Variants in CEP126 observed in about 807,000 individuals in gnomAD.
The protein encoded by CEP126 is centrosomal protein of 126 kDa.
In CEP126, 74 loss-of-function variants were observed where a neutral mutation model predicts 107.8. The observed-to-expected ratio is 0.69, with a 90% confidence interval of 0.57 to 0.83. CEP126 has a LOEUF of 0.83. CEP126 is among the 40% of genes least tolerant of loss of function. The pLI, the probability that CEP126 is intolerant of heterozygous loss-of-function variation, is 0.00. For synonymous variants in CEP126, 449 were observed against 446.0 expected (o/e 1.01, Z -0.08); for missense variants, 1,237 against 1,281.9 (o/e 0.96, Z 0.53).
At chr11:101,966,029 GA>G (rs1941053606) in intron 6 of CEP126, among the ~76,000 whole-genome samples, 1 of 152,126 alleles carries the variant, frequency 6.6e-6, no homozygotes, top group South Asian at 2.1e-4. Flanking sequence ...TCTGATAAAG[GA>G]ATGGGATACA....
intron 6 of CEP126, among the ~76,000 whole-genome samples, chr11:101,974,380 A>G (rs10895234): frequency 0.071 from 10,764 of 152,220 alleles, 583 homozygotes; most frequent in East Asian, 0.27. Context: ...TATGATAGCT[A>G]TGTACAAATA....
At chr11:101,973,315 A>G (rs942141846) in intron 6 of CEP126, among the ~76,000 whole-genome samples, 2 of 152,152 alleles carry the variant, frequency 1.3e-5, no homozygotes, top group Admixed American at 1.3e-4. Context: ...GTACATATAC[A>G]CCATGGAATA....
At chr11:101,960,351 T>C (rs1940955147) in intron 5 of CEP126, among the ~76,000 whole-genome samples, 1 of 152,190 alleles carries the variant, frequency 6.6e-6, no homozygotes. Context: ...CTTAGAGCCA[T>C]GGATGTCATA....
chr11:101,984,521 G>C (rs553720462), intron 8 of CEP126, among the ~76,000 whole-genome samples: 2 of 152,162 alleles, frequency 1.3e-5, no homozygotes, highest in African/African-American at 4.8e-5. Context: ...ATAGCCAAAA[G>C]AGCTCTGAAT....
chr11:101,961,901 A>C lies in CEP126; in HGVS notation c.866A>C (p.Gln289Pro). 1 of 1,613,138 alleles carries C rather than the reference A, an allele frequency of 6.2e-7. No individual in the cohort carries two copies. Among genetic ancestry groups the C allele is most frequent in the Non-Finnish European group, 8.5e-7 (1 of 1,179,480 alleles). The change falls in exon 6 of 11, where the codon CAA (glutamine) becomes CCA (proline). Residue 289 changes from glutamine to proline, a missense_variant. Physicochemically the swap from Gln to Pro is moderately conservative, Grantham distance 76 (BLOSUM62 -1). This residue lies in a region of CEP126 where 1,134 missense variants were observed against 1,150.5 expected (regional missense o/e 0.99). Coordinates refer to ENST00000263468, the MANE Select transcript of CEP126 (RefSeq NM_020802.4). The part of the protein sequence containing the change: ...NTISLKPANM[Q>P]STNLSCFDED... Reference sequence around the variant, plus strand: ...ATTTCCCTCAAACCAGCAAATATGCAATCAACTAATCTCAGCTGCTTTGAT... The same window carrying C: ...ATTTCCCTCAAACCAGCAAATATGCCATCAACTAATCTCAGCTGCTTTGAT...
At chr11:101,975,011 A>C (rs570488913) in intron 6 of CEP126, among the ~76,000 whole-genome samples, 1 of 152,306 alleles carries the variant, frequency 6.6e-6, no homozygotes, top group African/African-American at 2.4e-5. Flanking sequence ...TGAACAAGGA[A>C]ATTTTTATGC....
intron 8 of CEP126, among the ~76,000 whole-genome samples, chr11:101,984,683 T>TA (rs1266827752): frequency 3.3e-5 from 5 of 152,282 alleles, no homozygotes; most frequent in African/African-American, 7.2e-5. Context: ...TGTCAGTTTA[T>TA]AAAATCAAAG....
At position 101,976,198 on chromosome 11, in the gene CEP126, G is replaced by A. The variant is rs576172387; in HGVS notation, c.2846-2149G>A. Reference sequence around the variant, plus strand: ...GCTGAACTAATTTAGATTCCCACCAGCAGCATTTAAGTATTCCCTTTTCTT... The same window carrying A: ...GCTGAACTAATTTAGATTCCCACCAACAGCATTTAAGTATTCCCTTTTCTT... On this transcript the variant is annotated intron_variant, in intron 6 of 10. Coordinates refer to ENST00000263468, the MANE Select transcript of CEP126 (RefSeq NM_020802.4). 2.6e-5 allele frequency among the ~76,000 whole-genome samples: 4 copies of A among 152,284 alleles called. No homozygotes were observed. The South Asian group carries it at 8.3e-4, about 32-fold the overall frequency.
chr11:101,971,830 C>T (rs1443528280), intron 6 of CEP126, among the ~76,000 whole-genome samples: 2 of 152,238 alleles, frequency 1.3e-5, no homozygotes, highest in Non-Finnish European at 2.9e-5. Flanking sequence ...CAATAGCGGC[C>T]AGGTGCCGTG....
chr11:101,991,017 C>CA (rs1437147294), intron 9 of CEP126, among the ~76,000 whole-genome samples: 2 of 150,292 alleles, frequency 1.3e-5, no homozygotes, highest in African/African-American at 2.4e-5. Flanking sequence ...ACAAAAAATT[C>CA]AAAAAAAAAT....
chr11:101,992,911 A>C, intron 10 of CEP126, 69 bp downstream of exon 10: 6 of 1,324,822 alleles, frequency 4.5e-6, no homozygotes, highest in Non-Finnish European at 5.9e-6. Flanking sequence ...ACATCAATAC[A>C]GGTAAGAACC....
chr11:101,984,344 G>A (rs1941291730), intron 8 of CEP126, among the ~76,000 whole-genome samples: 1 of 152,162 alleles, frequency 6.6e-6, no homozygotes, highest in Admixed American at 6.5e-5. Context: ...ACAAGGTAGT[G>A]ACTGAAGGAT....
chr11:101,955,179 T>C (rs938898496), intron 4 of CEP126, among the ~76,000 whole-genome samples: 2 of 152,050 alleles, frequency 1.3e-5, no homozygotes, highest in African/African-American at 2.4e-5. Flanking sequence ...TAGAAGCTGC[T>C]TCAGCAAATA....
intron 4 of CEP126, among the ~76,000 whole-genome samples, chr11:101,957,346 T>C (rs1441528569): frequency 1.3e-5 from 2 of 152,196 alleles, no homozygotes; most frequent in Non-Finnish European, 2.9e-5. Context: ...TGCAGCAGCA[T>C]TCAGCTATAT....
At chr11:101,972,858 T>A (rs954473253) in intron 6 of CEP126, among the ~76,000 whole-genome samples, 93 of 152,350 alleles carry the variant, frequency 6.1e-4, no homozygotes, top group African/African-American at 2.2e-3. Context: ...TTGCCACGTA[T>A]GAATGTATTG....
Position 101,949,147 on chromosome 11 carries a change from G to C in CEP126, c.506+1005G>C, listed in dbSNP as rs1325268181. Among the ~76,000 whole-genome samples the C allele has an allele frequency of 3.9e-5, 6 of 152,184 alleles. No homozygotes were observed. The East Asian group carries it at 1.2e-3, about 29-fold the overall frequency. ...GTGCAAAAGCCAAGGGCAATCAAAA[G>C]CATGATATACTCTAGGAGTAAGAGT... On this transcript the variant is annotated intron_variant, in intron 4 of 10. Transcript: ENST00000263468.
In CEP126 at chr11:101,938,159, C is replaced by CAAAAAAAAA. The variant is rs1491167740; in HGVS notation, c.249-6097_249-6089dup. The stretch of plus-strand genomic sequence containing the variant: ...TGGGCGACAGAGCGAGACTCTGTCT[C>CAAAAAAAAA]AAAAAAAAAAAAAAAAATACAAGAA... On this transcript the variant is annotated intron_variant, in intron 2 of 10. Coordinates refer to ENST00000263468, the MANE Select transcript of CEP126 (RefSeq NM_020802.4). Among the ~76,000 whole-genome samples, 148 of 39,242 alleles carry CAAAAAAAAA rather than the reference C, an allele frequency of 3.8e-3. 7 individuals carry two copies. Among genetic ancestry groups the CAAAAAAAAA allele is most frequent in the African/African-American group, 6.6e-3 (71 of 10,810 alleles). The allele number at this position is 39,242 out of a possible 152,430, so 25.7% of individuals were successfully genotyped here.
intron 10 of CEP126, 60 bp downstream of exon 10, chr11:101,992,902 C>T (rs865913087): frequency 1.4e-5 from 20 of 1,403,532 alleles, no homozygotes; most frequent in Middle Eastern, 3.8e-4. Flanking sequence ...TTTATGTACA[C>T]ATCAATACAG....
chr11:101,977,198 T>C (rs1941201084), intron 6 of CEP126, among the ~76,000 whole-genome samples: 1 of 152,186 alleles, frequency 6.6e-6, no homozygotes. Flanking sequence ...GGTATAATTA[T>C]GTCATTGTCA....
Sources: gnomAD v4.1 joint callset for allele counts (sites outside exome capture counted in the v4.1 genomes callset) on GRCh38, gnomAD v4.1.1 for gene constraint, gnomAD v4.1.1 regional missense constraint, MANE v1.5 for transcripts, NCBI Gene and HGNC (gene_info 2026-07-23, HGNC 2026-07-21) for gene names.